The following TAPT1 variants were observed in gnomAD, a reference collection of about 807,000 sequenced individuals.
TAPT1 encodes transmembrane anterior posterior transformation protein 1 homolog.
A neutral mutation model predicts 65.6 loss-of-function variants in TAPT1; 28 were observed. The observed-to-expected ratio is 0.43, with a 90% CI of 0.32 to 0.59. TAPT1 has a LOEUF of 0.59. TAPT1 is among the 20% of genes least tolerant of loss of function. TAPT1 has a pLI of 0.09. For synonymous variants in TAPT1, 278 were observed against 245.2 expected, an observed-to-expected ratio of 1.13 and a Z score of -1.25; for missense variants, 563 against 679.9, an observed-to-expected ratio of 0.83 and a Z score of 1.91.
chr4:16,215,821 G>C (rs1055328741), intron 1 of TAPT1, among the ~76,000 whole-genome samples: 2 of 152,242 alleles, frequency 1.3e-5, no homozygotes, highest in East Asian at 3.9e-4. Flanking sequence ...TATGTTCTAC[G>C]CTGGCTAGAA....
intron 1 of TAPT1, among the ~76,000 whole-genome samples, chr4:16,217,941 T>C (rs1425544499): frequency 6.6e-6 from 1 of 152,146 alleles, no homozygotes; most frequent in Non-Finnish European, 1.5e-5. Flanking sequence ...CATGATGCAG[T>C]CACAGCCAGT....
chr4:16,208,680 C>T (rs1383342354), intron 2 of TAPT1, among the ~76,000 whole-genome samples: 1 of 152,198 alleles, frequency 6.6e-6, no homozygotes, highest in Non-Finnish European at 1.5e-5. Context: ...TCTGCTGCAA[C>T]AACTGAGACC....
chr4:16,191,614 A>G (rs993114910), intron 3 of TAPT1, 91 bp from the exon 4 acceptor site: 3 of 1,273,746 alleles, frequency 2.4e-6, no homozygotes, highest in Non-Finnish European at 3.2e-6. Context: ...ACTGGCATAC[A>G]AAGGTAAAAA....
rs190077757 is a variant in TAPT1, at chr4:16,163,959, C to T, written c.1475-422G>A. ...CACCTGTCATCTGTAGTCACTTCAG[C>T]TACAGATGGTTTAGCATCATCATCT... On this transcript the variant is annotated intron_variant, in intron 13 of 13. Coordinates refer to ENST00000405303, the MANE Select transcript of TAPT1 (RefSeq NM_153365.3). 1.5e-3 allele frequency among the ~76,000 whole-genome samples: 230 copies of T among 152,280 alleles called. 1 individual carries two copies. The highest frequency in any genetic ancestry group is 9.2e-3 in the South Asian group (44 of 4,806).
intron 2 of TAPT1, among the ~76,000 whole-genome samples, chr4:16,213,258 T>A (rs947671306): frequency 1.1e-4 from 16 of 152,218 alleles, no homozygotes; most frequent in African/African-American, 3.6e-4. Flanking sequence ...GAAGATGTAG[T>A]GCTGCTGTTA....
chr4:16,167,336 T>C (rs1264269405), intron 12 of TAPT1, among the ~76,000 whole-genome samples: 1 of 152,186 alleles, frequency 6.6e-6, no homozygotes, highest in Non-Finnish European at 1.5e-5. Context: ...AAATTTTTCC[T>C]GGTATTAAAT....
intron 7 of TAPT1, among the ~76,000 whole-genome samples, chr4:16,179,896 T>C (rs1748611338): frequency 6.6e-6 from 1 of 152,044 alleles, no homozygotes; most frequent in Non-Finnish European, 1.5e-5. Flanking sequence ...GTATGGAAAT[T>C]CCAGTTTTCT....
upstream of TAPT1, chr4:16,226,579 G>A (rs1054680362): frequency 1.4e-4 from 86 of 626,416 alleles, no homozygotes; most frequent in African/African-American, 1.6e-3. Context: ...GCCGCCATCC[G>A]CGGCCCGCCG....
intron 12 of TAPT1, among the ~76,000 whole-genome samples, chr4:16,168,120 C>CTT (rs113471433): frequency 1.4e-4 from 21 of 148,780 alleles, no homozygotes; most frequent in African/African-American, 2.2e-4. Flanking sequence ...AGTTGGTTTT[C>CTT]TTTTTTTTTT....
In TAPT1 at chr4:16,163,470, G is replaced by A; in HGVS notation, c.1542C>T (p.Ile514=). Residue 514 remains isoleucine (I), a synonymous_variant, in exon 14 of 14, where the codon ATC becomes ATT. Transcript: ENST00000405303. ...TKQPIHQKEN[I]IPLLVTSNSD... ...AATTGCTTGTCACAAGTAATGGTAT[G>A]ATATTTTCCTTTTGATGAATAGGTT... 6.2e-7 allele frequency: 1 copy of A among 1,613,994 alleles called. No individual in the cohort carries two copies. Among genetic ancestry groups the A allele is most frequent in the Middle Eastern group, 1.6e-4 (1 of 6,062 alleles).
chr4:16,188,270 CT>C lies in TAPT1; in HGVS notation c.697del (p.Arg233GlufsTer6). 1 of 1,612,658 alleles carries C rather than the reference CT, an allele frequency of 6.2e-7. No homozygotes were observed. Among genetic ancestry groups the C allele is most frequent in the South Asian group, 1.1e-5 (1 of 90,934 alleles). On this transcript the variant is annotated frameshift_variant, in exon 5 of 14. Transcript: ENST00000405303. LOFTEE classifies it high-confidence loss of function. ...WTATEPKERK[R>X]AHIGVIPHFF... is the part of the protein sequence containing the mutation. Reference sequence around the variant, plus strand: ...GTGAGGAATCACCCCAATGTGGGCTCTTTTTCTTTCTTTAGGCTCTGTTGCT... The same window carrying C: ...GTGAGGAATCACCCCAATGTGGGCTCTTTTCTTTCTTTAGGCTCTGTTGCT...
In TAPT1 at chr4:16,179,958, G is replaced by A. The variant is rs16893147; in HGVS notation, c.917-301C>T. Among the ~76,000 whole-genome samples the A allele has an allele frequency of 0.16, 24,438 of 151,848 alleles. 2,801 individuals are homozygous for A. The highest frequency in any genetic ancestry group is 0.32 in the African/African-American group (13,328 of 41,378). Reference sequence around the variant, plus strand: ...TCAAACTGCTCAGATGAGGTCATTAGGTTCCTCCAATGGGCTTTGGGGACA... The same window carrying A: ...TCAAACTGCTCAGATGAGGTCATTAAGTTCCTCCAATGGGCTTTGGGGACA... On this transcript the variant is annotated intron_variant, in intron 7 of 13. Transcript: ENST00000405303.
In TAPT1 at chr4:16,191,519, T is replaced by C; in HGVS notation, c.454A>G (p.Arg152Gly). The C allele has an allele frequency of 1.3e-6, 2 of 1,556,076 alleles. No individual in the cohort carries two copies. The highest frequency in any genetic ancestry group is 1.7e-6 in the Non-Finnish European group (2 of 1,149,336). ...LTLPCYGLRDRRLLQPAQVCD... is the reference protein window; with the variant it reads ...LTLPCYGLRDGRLLQPAQVCD... ...ACCTGGGCAGGCTGAAGCAAACGTC[T>C]GTCCCTGAAACATACAAGAAGTAAT... Residue 152 changes from arginine to glycine, a missense_variant, in exon 4 of 14, where the codon AGA (arginine) becomes GGA (glycine). Transcript: ENST00000405303.
intron 2 of TAPT1, among the ~76,000 whole-genome samples, chr4:16,209,005 A>G (rs1750505034): frequency 6.6e-6 from 1 of 152,148 alleles, no homozygotes; most frequent in African/African-American, 2.4e-5. Flanking sequence ...CTAGGACTAC[A>G]GGCGTGCACT....
intron 7 of TAPT1, among the ~76,000 whole-genome samples, chr4:16,180,049 G>T (rs938030420): frequency 3.9e-5 from 6 of 152,080 alleles, no homozygotes; most frequent in African/African-American, 1.4e-4. Context: ...AAGACTTTGG[G>T]TAACAAAATC....
intron 1 of TAPT1, among the ~76,000 whole-genome samples, chr4:16,217,434 T>TAATTTA (rs1751004132): frequency 6.6e-6 from 1 of 151,752 alleles, no homozygotes; most frequent in African/African-American, 2.4e-5. Flanking sequence ...TAAAACGGAG[T>TAATTTA]GGCCAAATTA....
intron 1 of TAPT1, among the ~76,000 whole-genome samples, chr4:16,218,520 G>A (rs1751072289): frequency 6.6e-6 from 1 of 152,228 alleles, no homozygotes. Flanking sequence ...AAGAGCATGG[G>A]ATTAGCAACC....
intron 2 of TAPT1, 49 bp from the exon 3 acceptor site, chr4:16,202,629 C>T: frequency 9.7e-7 from 1 of 1,030,454 alleles, no homozygotes; most frequent in South Asian, 1.5e-5. Context: ...TTTAAAAATA[C>T]TTGTAGATGA....
chr4:16,166,635 T>C lies in TAPT1; in HGVS notation c.1472A>G (p.Gln491Arg), dbSNP rs1238279010. ...SKSQNKCKPSQGLSTEENLSA... is the reference protein window; with the variant it reads ...SKSQNKCKPSRGLSTEENLSA... Reference sequence around the variant, plus strand: ...GTGAAGAAAGGGACCAAACCTACCTTGAGAGGGTTTACATTTGTTCTGTGA... The same window carrying C: ...GTGAAGAAAGGGACCAAACCTACCTCGAGAGGGTTTACATTTGTTCTGTGA... Residue 491 changes from glutamine to arginine, a missense_variant and splice_region_variant, in exon 13 of 14, where the codon CAA becomes CGA. Gln to Arg is a conservative substitution (Grantham distance 43). This residue lies in a region of TAPT1 where 136 missense variants were observed against 153.9 expected (regional missense o/e 0.88). Coordinates refer to ENST00000405303, the MANE Select transcript of TAPT1 (RefSeq NM_153365.3). The C allele has an allele frequency of 6.2e-7, 1 of 1,613,768 alleles. No individual in the cohort carries two copies. The highest frequency in any genetic ancestry group is 1.1e-5 in the South Asian group (1 of 91,082).
Sources: allele counts gnomAD v4.1 joint callset (sites outside exome capture counted in the v4.1 genomes callset), GRCh38; gene constraint gnomAD v4.1.1; regional missense constraint gnomAD v4.1.1; transcripts MANE v1.5; gene names NCBI Gene and HGNC (gene_info 2026-07-23, HGNC 2026-07-21).